PALS1: variants seen among roughly 807,000 people sequenced by gnomAD.
PALS1 encodes the protein protein associated with LIN7 1, MAGUK p55 family member.
In PALS1, 31 loss-of-function variants were observed where a neutral mutation model predicts 78.9. That is an observed-to-expected ratio of 0.39 (90% confidence interval 0.30 to 0.53). The LOEUF is 0.53. Among genes scored for constraint, PALS1 ranks in the 20% least tolerant of loss-of-function variants. PALS1 has a pLI of 0.67. For missense variants in PALS1, 704 were observed against 826.5 expected (o/e 0.85, Z 1.82); for synonymous variants, 276 against 270.9 (o/e 1.02, Z -0.18).
At chr14:67,328,012 T>TG (rs1369844840) in intron 14 of PALS1, among the ~76,000 whole-genome samples, 1 of 152,226 alleles carries the variant, frequency 6.6e-6, no homozygotes, top group Non-Finnish European at 1.5e-5. Flanking sequence ...ATGGGATGGC[T>TG]GGGTCAAATG....
At chr14:67,260,771 C>T (rs1343826817) in intron 1 of PALS1, among the ~76,000 whole-genome samples, 1 of 152,088 alleles carries the variant, frequency 6.6e-6, no homozygotes, top group Non-Finnish European at 1.5e-5. Context: ...TAAGAGTTGA[C>T]TATTAAATTA....
At chr14:67,311,975 G>A (rs1478958766) in intron 8 of PALS1, 1 of 152,608 alleles carries the variant, frequency 6.6e-6, no homozygotes, top group African/African-American at 2.4e-5. Flanking sequence ...CCCCAGGGAA[G>A]CTCATATTTA....
intron 7 of PALS1, among the ~76,000 whole-genome samples, 198 bp downstream of exon 7, chr14:67,302,769 T>C (rs1377804213): frequency 1.3e-5 from 2 of 152,200 alleles, no homozygotes; most frequent in African/African-American, 4.8e-5. Flanking sequence ...TACTTTCTGA[T>C]GTATCACTAT....
intron 2 of PALS1, among the ~76,000 whole-genome samples, chr14:67,275,867 G>C (rs1013492274): frequency 2.0e-5 from 3 of 152,132 alleles, no homozygotes; most frequent in African/African-American, 7.2e-5. Flanking sequence ...ATGTGTCCAG[G>C]AATTTATCCA....
intron 1 of PALS1, among the ~76,000 whole-genome samples, chr14:67,244,987 C>A (rs1336800982): frequency 6.6e-6 from 1 of 152,066 alleles, no homozygotes; most frequent in South Asian, 2.1e-4. Flanking sequence ...AACAATTGGT[C>A]AGAGAAGTGC....
rs3825721 is a variant in PALS1 at position 67,301,375 on chromosome 14, T to C, written c.577-14T>C. 3,492 of 1,587,726 alleles carry C rather than the reference T, an allele frequency of 2.2e-3. 55 individuals are homozygous for C. In the African/African-American group the frequency reaches 0.035, roughly 16 times the overall value. The stretch of plus-strand genomic sequence containing the variant: ...TATAATCTAGGAAGAATAATCTTTA[T>C]TTTTGTTTCTTAGGTACAAACTGTT... On this transcript the variant is annotated splice_polypyrimidine_tract_variant and intron_variant, in intron 4 of 14. Transcript: ENST00000261681.
Position 67,284,429 on chromosome 14 carries a change from T to TAAAAAAAA in PALS1, c.367+4900_367+4907dup, listed in dbSNP as rs530863294. Among the ~76,000 whole-genome samples the TAAAAAAAA allele has an allele frequency of 5.9e-4, 55 of 92,676 alleles. 10 individuals are homozygous for TAAAAAAAA. Among genetic ancestry groups the TAAAAAAAA allele is most frequent in the East Asian group, 3.6e-3 (11 of 3,060 alleles). 60.8% of individuals were successfully genotyped at this position (92,676 alleles called of 152,430 possible). A position where few individuals can be genotyped will look rare whatever the true frequency, so the allele number is the denominator to read the frequency against. On this transcript the variant is annotated intron_variant, in intron 3 of 14. Transcript: ENST00000261681. The stretch of plus-strand genomic sequence containing the variant: ...CTTGGGCAACATAGACCCTATCTCT[T>TAAAAAAAA]AAAAAAAAAAAAAAACAGCTGGGCA...
At chr14:67,244,231 T>C (rs2083950841) in intron 1 of PALS1, among the ~76,000 whole-genome samples, 1 of 152,244 alleles carries the variant, frequency 6.6e-6, no homozygotes, top group African/African-American at 2.4e-5. Flanking sequence ...CTTGAGCGCA[T>C]GTGTGGACGC....
At chr14:67,246,300 A>T (rs115583463) in intron 1 of PALS1, among the ~76,000 whole-genome samples, 243 of 149,740 alleles carry the variant, frequency 1.6e-3, no homozygotes, top group African/African-American at 5.7e-3. Flanking sequence ...CTGATTTTTA[A>T]ATTTATTTGT....
chr14:67,315,007 C>T (rs2085145687), intron 9 of PALS1, among the ~76,000 whole-genome samples: 1 of 152,122 alleles, frequency 6.6e-6, no homozygotes, highest in African/African-American at 2.4e-5. Flanking sequence ...ATTCAGGAGG[C>T]TGAGGTGGAA....
intron 9 of PALS1, among the ~76,000 whole-genome samples, chr14:67,314,526 A>T (rs1299042197): frequency 1.3e-5 from 2 of 152,206 alleles, no homozygotes; most frequent in African/African-American, 2.4e-5. Flanking sequence ...GATTCTTCAG[A>T]GTAACAGTTA....
At chr14:67,296,155 T>G (rs927544807) in intron 4 of PALS1, among the ~76,000 whole-genome samples, 2 of 151,952 alleles carry the variant, frequency 1.3e-5, no homozygotes, top group African/African-American at 4.8e-5. Flanking sequence ...AAATTTAATT[T>G]GCTGAGTCTT....
rs761642021 is a variant in PALS1 at position 67,334,841 on chromosome 14, G to A, written c.*1885G>A. The A allele has an allele frequency of 5.3e-5, 8 of 152,152 alleles. No individual in the cohort carries two copies. The highest frequency in any genetic ancestry group is 1.9e-4 in the East Asian group (1 of 5,202). The allele number at this position is 152,152 out of a possible 1,614,324, so 9.4% of individuals were successfully genotyped here. A position where few individuals can be genotyped will look rare whatever the true frequency, so the allele number is the denominator to read the frequency against. On this transcript the variant is annotated 3_prime_UTR_variant, in exon 15 of 15. Transcript: ENST00000261681. The stretch of plus-strand genomic sequence containing the variant: ...TAATCTTTTCAGTTTTCCAGTTTAC[G>A]TCTCAGGAATGAAGTGTAGTCTATG...
chr14:67,319,406 T>C (rs1450689006), intron 11 of PALS1, among the ~76,000 whole-genome samples: 1 of 152,176 alleles, frequency 6.6e-6, no homozygotes, highest in Non-Finnish European at 1.5e-5. Context: ...TTATACCTCA[T>C]TTTGATTCAT....
At chr14:67,273,238 G>A (rs1443560387) in intron 2 of PALS1, among the ~76,000 whole-genome samples, 2 of 151,674 alleles carry the variant, frequency 1.3e-5, no homozygotes, top group African/African-American at 2.4e-5. Flanking sequence ...TTTACATTAG[G>A]TATATCTCCT....
chr14:67,249,273 T>G (rs10459530), intron 1 of PALS1, among the ~76,000 whole-genome samples: 23,464 of 152,130 alleles, frequency 0.15, 3,415 homozygotes, highest in East Asian at 0.42. Flanking sequence ...CATACCAATG[T>G]TTTAAGGCAA....
intron 14 of PALS1, among the ~76,000 whole-genome samples, chr14:67,325,862 G>T (rs1386088478): frequency 6.7e-6 from 1 of 150,350 alleles, no homozygotes; most frequent in Non-Finnish European, 1.5e-5. Flanking sequence ...AGGCTGGAAT[G>T]CAGTGGCGTA....
intron 3 of PALS1, among the ~76,000 whole-genome samples, chr14:67,284,779 C>T (rs945919935): frequency 6.6e-6 from 1 of 151,914 alleles, no homozygotes; most frequent in Non-Finnish European, 1.5e-5. Context: ...TTTCACTTAC[C>T]ATTATGTTTT....
intron 2 of PALS1, among the ~76,000 whole-genome samples, chr14:67,276,426 C>G (rs1046746156): frequency 3.3e-5 from 5 of 152,136 alleles, no homozygotes; most frequent in Admixed American, 2.6e-4. Flanking sequence ...CTTTGAAATC[C>G]ATTTCAAAGA....
Sources: gnomAD v4.1 joint callset for allele counts (sites outside exome capture counted in the v4.1 genomes callset) on GRCh38, gnomAD v4.1.1 for gene constraint, MANE v1.5 for transcripts, NCBI Gene and HGNC (gene_info 2026-07-23, HGNC 2026-07-21) for gene names.